The following CDK5RAP2 variants were observed in gnomAD, a reference collection of about 807,000 sequenced individuals.
The protein encoded by CDK5RAP2 is CDK5 regulatory subunit-associated protein 2.
CDK5RAP2 carries 147 observed loss-of-function variants against 232.9 expected under a neutral mutation model. The observed-to-expected ratio is 0.63, with a 90% CI of 0.55 to 0.72. The LOEUF (loss-of-function observed/expected upper bound fraction) is 0.72, where lower values mean the gene tolerates loss of function less well. CDK5RAP2 is among the 30% of genes least tolerant of loss of function. The pLI, the probability that CDK5RAP2 is intolerant of heterozygous loss-of-function variation, is 0.00. For synonymous variants in CDK5RAP2, 833 were observed against 833.7 expected (o/e 1.00, Z 0.01); for missense variants, 2,195 against 2,231.5 (o/e 0.98, Z 0.33).
chr9:120,428,622 A>G (rs2035073929), intron 25 of CDK5RAP2, among the ~76,000 whole-genome samples: 1 of 152,254 alleles, frequency 6.6e-6, no homozygotes, highest in Non-Finnish European at 1.5e-5. Flanking sequence ...TCAATAGCTT[A>G]CCAACCAAAA....
rs1398453873 is a variant in CDK5RAP2 at position 120,439,802 on chromosome 9, T to C, written c.3319A>G (p.Asn1107Asp). 1 of 1,614,186 alleles carries C rather than the reference T, an allele frequency of 6.2e-7. No homozygotes were observed. The highest frequency in any genetic ancestry group is 1.1e-5 in the South Asian group (1 of 91,082). The change falls in exon 24 of 38, where the codon AAT (asparagine) becomes GAT (aspartate). Residue 1107 changes from asparagine (N) to aspartate (D), a missense_variant. Coordinates refer to ENST00000349780, the MANE Select transcript of CDK5RAP2 (RefSeq NM_018249.6). ...TDQSESINTSNETEYLKQKIH... is the reference protein window; with the variant it reads ...TDQSESINTSDETEYLKQKIH... ...TTCTGTTTTAAGTATTCTGTCTCATTTGAGGTATTAATGCTCTCTGACTGA... is the reference window on the plus strand; with the variant it reads ...TTCTGTTTTAAGTATTCTGTCTCATCTGAGGTATTAATGCTCTCTGACTGA...
intron 12 of CDK5RAP2, among the ~76,000 whole-genome samples, chr9:120,500,103 T>A (rs1056535476): frequency 3.9e-5 from 6 of 152,234 alleles, no homozygotes; most frequent in African/African-American, 1.4e-4. Context: ...CTCATCCTTT[T>A]AGTCTAAAGG....
At chr9:120,533,159 C>T (rs887527514) in intron 7 of CDK5RAP2, among the ~76,000 whole-genome samples, 9 of 152,124 alleles carry the variant, frequency 5.9e-5, no homozygotes, top group South Asian at 2.1e-4. Flanking sequence ...ACCTCTATCA[C>T]GGCATCAATC....
rs147931010 is a variant in CDK5RAP2 at position 120,569,662 on chromosome 9, G to T, written c.128-1274C>A. On this transcript the variant is annotated intron_variant, in intron 2 of 37. Coordinates refer to ENST00000349780, the MANE Select transcript of CDK5RAP2 (RefSeq NM_018249.6). ...ACTGGAGGTGAGAGAGGTAAACAGG[G>T]ACAGACTGTATACGGTTTTTAGGCT... Among the ~76,000 whole-genome samples, 967 of 152,292 alleles carry T rather than the reference G, an allele frequency of 6.3e-3. 48 individuals are homozygous for T. Among genetic ancestry groups the T allele is most frequent in the Admixed American group, 0.056 (862 of 15,288 alleles).
chr9:120,502,188 G>C (rs1345677684), intron 12 of CDK5RAP2, among the ~76,000 whole-genome samples: 1 of 152,164 alleles, frequency 6.6e-6, no homozygotes, highest in Non-Finnish European at 1.5e-5. Flanking sequence ...AAAATGCTGT[G>C]AAGAATAACT....
At chr9:120,502,129 A>T (rs997366029) in intron 12 of CDK5RAP2, among the ~76,000 whole-genome samples, 6 of 152,242 alleles carry the variant, frequency 3.9e-5, no homozygotes, top group South Asian at 2.1e-4. Flanking sequence ...CAATGATCCC[A>T]GTCCACTTAA....
At chr9:120,466,190 G>C (rs1160457874) in intron 18 of CDK5RAP2, among the ~76,000 whole-genome samples, 2 of 152,110 alleles carry the variant, frequency 1.3e-5, no homozygotes, top group Non-Finnish European at 2.9e-5. Flanking sequence ...CATGCTGCTT[G>C]GGAAATGCTG....
At position 120,538,902 on chromosome 9, in the gene CDK5RAP2, T is replaced by C. The variant is rs2041507869; in HGVS notation, c.507+139A>G. 3.2e-6 allele frequency: 3 copies of C among 930,438 alleles called. No homozygotes were observed. In the East Asian group the frequency reaches 7.4e-5, roughly 23 times the overall value. 57.6% of individuals were successfully genotyped at this position (930,438 alleles called of 1,614,324 possible). A position where few individuals can be genotyped will look rare whatever the true frequency, so the allele number is the denominator to read the frequency against. ...ACATATAAAATGCCTGAAATGGGGC[T>C]ACAATCCAGGAGATGCTCAATAAGG... is the stretch of plus-strand genomic sequence containing the variant. On this transcript the variant is annotated intron_variant, in intron 6 of 37. Transcript: ENST00000349780.
At chr9:120,537,011 C>T (rs1008404928) in intron 6 of CDK5RAP2, among the ~76,000 whole-genome samples, 1 of 151,780 alleles carries the variant, frequency 6.6e-6, no homozygotes, top group African/African-American at 2.4e-5. Flanking sequence ...TATGTTCTTC[C>T]CAAGAGGTCA....
chr9:120,389,061 C>T lies in CDK5RAP2; in HGVS notation c.*175G>A. The stretch of plus-strand genomic sequence containing the variant: ...ACCACCCGTTTGTGGAGCACCTGCA[C>T]CTTTCTGACAACAACTCTCAAGCCA... On this transcript the variant is annotated 3_prime_UTR_variant, in exon 38 of 38. Transcript: ENST00000349780. 1.5e-6 allele frequency: 1 copy of T among 648,494 alleles called. No homozygotes were observed. Among genetic ancestry groups the T allele is most frequent in the South Asian group, 1.9e-5 (1 of 52,456 alleles). The allele number at this position is 648,494 out of a possible 1,614,324, so 40.2% of individuals were successfully genotyped here.
chr9:120,538,717 G>A (rs941085596), intron 6 of CDK5RAP2, among the ~76,000 whole-genome samples: 1 of 152,166 alleles, frequency 6.6e-6, no homozygotes, highest in Non-Finnish European at 1.5e-5. Context: ...TGTAGGAAGA[G>A]CATGGGCTTT....
At chr9:120,453,362 T>C (rs761606619) in intron 21 of CDK5RAP2, 94 bp downstream of exon 21, 2 of 1,193,014 alleles carry the variant, frequency 1.7e-6, no homozygotes, top group South Asian at 2.9e-5. Context: ...ATTCTTGTCA[T>C]ATAAATGGGA....
intron 5 of CDK5RAP2, among the ~76,000 whole-genome samples, chr9:120,544,655 T>C (rs916963591): frequency 3.9e-5 from 6 of 152,216 alleles, no homozygotes; most frequent in South Asian, 2.1e-4. Context: ...AGGAACTCTA[T>C]TGCCAGGACA....
intron 4 of CDK5RAP2, among the ~76,000 whole-genome samples, chr9:120,546,468 G>C (rs2041844720): frequency 6.6e-6 from 1 of 152,144 alleles, no homozygotes; most frequent in Non-Finnish European, 1.5e-5. Context: ...AATTCAATAT[G>C]AGACAGCTGA....
intron 28 of CDK5RAP2, among the ~76,000 whole-genome samples, chr9:120,414,042 C>T (rs1203289221): frequency 6.6e-6 from 1 of 152,192 alleles, no homozygotes; most frequent in Non-Finnish European, 1.5e-5. Context: ...TCTACCATCT[C>T]TAAAAATGGG....
rs770793004 is a variant in CDK5RAP2 at position 120,530,090 on chromosome 9, T to A, written c.713A>T (p.Gln238Leu). The change falls in exon 8 of 38, where the codon CAG becomes CTG. Residue 238 changes from glutamine to leucine, a missense_variant. Physicochemically the swap from Gln to Leu is moderately radical, Grantham distance 113 (BLOSUM62 -2). Transcript: ENST00000349780. Reference protein sequence around the residue: ...LSLKSKEALIQCLKEEKSQMA... With the variant: ...LSLKSKEALILCLKEEKSQMA... The stretch of plus-strand genomic sequence containing the variant: ...CTGAGATTTCTCCTCTTTAAGGCAC[T>A]GAATTAAAGCTTCTTTGCTCTTCAA... 3.1e-6 allele frequency: 5 copies of A among 1,613,960 alleles called. No homozygotes were observed. Among genetic ancestry groups the A allele is most frequent in the Admixed American group, 1.7e-5 (1 of 60,032 alleles).
intron 12 of CDK5RAP2, among the ~76,000 whole-genome samples, chr9:120,516,051 A>G (rs540293298): frequency 2.6e-5 from 4 of 152,182 alleles, no homozygotes; most frequent in African/African-American, 4.8e-5. Context: ...ATGCTGCTAT[A>G]AAGACACATG....
At chr9:120,419,745 T>C (rs748304577) in intron 27 of CDK5RAP2, 43 bp downstream of exon 27, 9 of 1,473,494 alleles carry the variant, frequency 6.1e-6, no homozygotes, top group Non-Finnish European at 8.6e-6. Flanking sequence ...AATTATTGTT[T>C]TAATCAGGCC....
chr9:120,482,998 C>T (rs144521933), intron 14 of CDK5RAP2, among the ~76,000 whole-genome samples: 1 of 152,286 alleles, frequency 6.6e-6, no homozygotes, highest in African/African-American at 2.4e-5. Context: ...ATCTCCTCGG[C>T]ACACAGGCAG....
Sources: gnomAD v4.1 joint callset for allele counts (sites outside exome capture counted in the v4.1 genomes callset) on GRCh38, gnomAD v4.1.1 for gene constraint, MANE v1.5 for transcripts, NCBI Gene and HGNC (gene_info 2026-07-23, HGNC 2026-07-21) for gene names.